PLCE1: variants seen among roughly 807,000 people sequenced by gnomAD.
PLCE1 encodes phospholipase C epsilon 1.
In PLCE1, 119 loss-of-function variants were observed where a neutral mutation model predicts 242.8. The ratio of observed to expected loss-of-function variants is 0.49; its 90% confidence interval spans 0.42 to 0.57. The LOEUF (loss-of-function observed/expected upper bound fraction) is 0.57. PLCE1 is among the 20% of genes least tolerant of loss of function. The pLI is 0.00. For missense variants in PLCE1, 2,441 were observed against 2,788.8 expected (o/e 0.88, Z 2.81); for synonymous variants, 945 against 1,017.4 (o/e 0.93, Z 1.35).
At chr10:94,039,241 G>A (rs1215957546) in intron 2 of PLCE1, among the ~76,000 whole-genome samples, 2 of 151,996 alleles carry the variant, frequency 1.3e-5, no homozygotes, top group African/African-American at 4.8e-5. Context: ...CATTTCTTTT[G>A]GATAAATACC....
intron 2 of PLCE1, among the ~76,000 whole-genome samples, chr10:94,098,218 CT>C (rs1449295640): frequency 1.3e-5 from 2 of 152,122 alleles, no homozygotes; most frequent in African/African-American, 4.8e-5. Context: ...CCATTCCTTC[CT>C]TTTTTAACAA....
chr10:94,069,861 G>A (rs1418787988), intron 2 of PLCE1, among the ~76,000 whole-genome samples: 4 of 152,272 alleles, frequency 2.6e-5, no homozygotes, highest in East Asian at 1.9e-4. Context: ...TCTGAGGAGC[G>A]GGGTGGAGTC....
chr10:94,099,583 C>T (rs540515285), intron 2 of PLCE1: 1 of 152,022 alleles, frequency 6.6e-6, no homozygotes, highest in African/African-American at 2.4e-5. Flanking sequence ...ATCATATCAA[C>T]TTTATGGAAT....
At chr10:94,234,742 G>A (rs2050259976) in intron 6 of PLCE1, among the ~76,000 whole-genome samples, 1 of 152,086 alleles carries the variant, frequency 6.6e-6, no homozygotes, top group Non-Finnish European at 1.5e-5. Context: ...ATGCTGGGGA[G>A]CCTGGAGACG....
chr10:94,148,465 C>A (rs1447207203), intron 3 of PLCE1, among the ~76,000 whole-genome samples: 1 of 152,176 alleles, frequency 6.6e-6, no homozygotes, highest in Non-Finnish European at 1.5e-5. Context: ...TTCATTTCTT[C>A]CATTCACACC....
Position 94,137,703 on chromosome 10 carries a change from G to A in PLCE1, c.1492+5244G>A, listed in dbSNP as rs1305462108. On this transcript the variant is annotated intron_variant, in intron 3 of 32. Coordinates refer to ENST00000371380, the MANE Select transcript of PLCE1 (RefSeq NM_016341.4). ...AGTGGAGGGAAGATGGACCTGCTGA[G>A]GCCAGCAAGACATCTGCCATCTTTC... 3 of 169,670 alleles carry A rather than the reference G, an allele frequency of 1.8e-5. No homozygotes were observed. The Admixed American group carries it at 1.9e-4, about 11-fold the overall frequency. The allele number at this position is 169,670 out of a possible 1,614,324, so 10.5% of individuals were successfully genotyped here.
chr10:94,327,209 T>C (rs2054055309), intron 32 of PLCE1, among the ~76,000 whole-genome samples: 1 of 152,210 alleles, frequency 6.6e-6, no homozygotes, highest in East Asian at 1.9e-4. Flanking sequence ...TGCATCTATG[T>C]GAATTGACAT....
At chr10:94,279,704 C>CT in intron 19 of PLCE1, 78 bp from the exon 20 acceptor site, 1 of 1,487,308 alleles carries the variant, frequency 6.7e-7, no homozygotes, top group Non-Finnish European at 9.4e-7. Flanking sequence ...TTGTGTTAAA[C>CT]ATCAGGGGTA....
intron 1 of PLCE1, among the ~76,000 whole-genome samples, chr10:94,007,692 CTACT>C (rs1348305357): frequency 6.2e-5 from 8 of 128,426 alleles, no homozygotes; most frequent in Non-Finnish European, 1.3e-4. Flanking sequence ...CCATCAAAGC[CTACT>C]TTCTTTTTTT....
At chr10:93,995,722 A>T (rs1251989634) in intron 1 of PLCE1, among the ~76,000 whole-genome samples, 2 of 152,250 alleles carry the variant, frequency 1.3e-5, no homozygotes, top group Non-Finnish European at 2.9e-5. Flanking sequence ...CTTTATACCC[A>T]GGAGCCATGT....
chr10:94,109,345 C>T (rs1238804268), intron 2 of PLCE1, among the ~76,000 whole-genome samples: 1 of 152,138 alleles, frequency 6.6e-6, no homozygotes, highest in East Asian at 1.9e-4. Flanking sequence ...TTGCATTCCC[C>T]AAAATCTAAA....
intron 7 of PLCE1, among the ~76,000 whole-genome samples, chr10:94,238,656 C>T (rs962714912): frequency 6.6e-6 from 1 of 151,890 alleles, no homozygotes; most frequent in African/African-American, 2.4e-5. Context: ...ATAAACTATG[C>T]GTTTGTATGT....
chr10:94,129,260 A>G (rs999327714), intron 2 of PLCE1, among the ~76,000 whole-genome samples: 1 of 152,266 alleles, frequency 6.6e-6, no homozygotes. Context: ...AGAAAAGGCT[A>G]TTAGATTAAA....
intron 2 of PLCE1, among the ~76,000 whole-genome samples, chr10:94,055,518 A>G (rs1291586243): frequency 6.6e-6 from 1 of 152,026 alleles, no homozygotes; most frequent in African/African-American, 2.4e-5. Context: ...GGGTTTCACC[A>G]TGTTGGCCAG....
chr10:94,244,125 A>G (rs1397418921), intron 7 of PLCE1, among the ~76,000 whole-genome samples: 1 of 152,078 alleles, frequency 6.6e-6, no homozygotes, highest in African/African-American at 2.4e-5. Context: ...TTTTTTTTAA[A>G]GAATATCCAC....
chr10:94,132,306 C>G lies in PLCE1; in HGVS notation c.1339C>G (p.Arg447Gly). ...SVGPCLKQCVRDTVCEYRATL... is the reference protein window; with the variant it reads ...SVGPCLKQCVGDTVCEYRATL... ...TGGTCCATGCTTAAAGCAATGTGTC[C>G]GAGACACTGTATGTGAGTATCGCGC... The change falls in exon 3 of 33, where the codon CGA becomes GGA. Residue 447 changes from arginine to glycine, a missense_variant. By Grantham distance (125) the Arg-to-Gly change is moderately radical. Around this residue, in one of 5 missense-constraint regions of PLCE1, gnomAD observed 733 missense variants for 754.2 expected, o/e 0.97. Transcript: ENST00000371380. 3 of 1,613,884 alleles carry G rather than the reference C, an allele frequency of 1.9e-6. No homozygotes were observed. Among genetic ancestry groups the G allele is most frequent in the Non-Finnish European group, 2.5e-6 (3 of 1,179,972 alleles).
intron 2 of PLCE1, among the ~76,000 whole-genome samples, chr10:94,097,369 G>A (rs2045352463): frequency 6.6e-6 from 1 of 152,068 alleles, no homozygotes; most frequent in African/African-American, 2.4e-5. Context: ...CACACATCAA[G>A]GGGGAAAAAA....
chr10:94,094,699 C>T (rs1039915570), intron 2 of PLCE1: 1 of 152,168 alleles, frequency 6.6e-6, no homozygotes, highest in African/African-American at 2.4e-5. Flanking sequence ...CTTTTGGTGC[C>T]AGCCTTATCA....
intron 2 of PLCE1, among the ~76,000 whole-genome samples, chr10:94,081,755 T>G (rs902386747): frequency 2.6e-5 from 4 of 152,248 alleles, no homozygotes; most frequent in Non-Finnish European, 5.9e-5. Flanking sequence ...AAGTAACCTT[T>G]CCAGAATCAT....
Sources: gnomAD v4.1 joint callset for allele counts (sites outside exome capture counted in the v4.1 genomes callset) on GRCh38, gnomAD v4.1.1 for gene constraint, gnomAD v4.1.1 regional missense constraint, MANE v1.5 for transcripts, NCBI Gene and HGNC (gene_info 2026-07-23, HGNC 2026-07-21) for gene names.